The following HCRTR2 variants were observed in gnomAD, a reference collection of about 807,000 sequenced individuals.
HCRTR2 encodes orexin receptor type 2.
HCRTR2 carries 22 observed loss-of-function variants against 49.0 expected under a neutral mutation model. That is an observed-to-expected ratio of 0.45 (90% CI 0.32 to 0.64). The LOEUF (loss-of-function observed/expected upper bound fraction) is 0.64, where lower values mean the gene tolerates loss of function less well. Ranked by LOEUF, HCRTR2 falls within the 30% of genes least tolerant of loss-of-function variation. The probability of loss-of-function intolerance (pLI) is 0.04; values close to 1 mark genes in which losing one functional copy is unlikely to be tolerated. For synonymous variants in HCRTR2, 236 were observed against 205.3 expected (o/e 1.15, Z -1.28); for missense variants, 491 against 559.4 (o/e 0.88, Z 1.23).
chr6:55,278,727 A>AATTATTATTATT (rs201178077), intron 5 of HCRTR2, among the ~76,000 whole-genome samples: 83 of 144,684 alleles, frequency 5.7e-4, no homozygotes, highest in African/African-American at 1.8e-3. Flanking sequence ...GCTTCTTATT[A>AATTATTATTATT]ATTATTATTA....
At chr6:55,266,981 T>C (rs2127324699) in intron 4 of HCRTR2, among the ~76,000 whole-genome samples, 1 of 152,290 alleles carries the variant, frequency 6.6e-6, no homozygotes, top group Non-Finnish European at 1.5e-5. Context: ...TTCAGAAGAT[T>C]TGCAGTAAAA....
chr6:55,230,209 A>C (rs185705050), intron 1 of HCRTR2, among the ~76,000 whole-genome samples: 1 of 152,204 alleles, frequency 6.6e-6, no homozygotes, highest in Non-Finnish European at 1.5e-5. Context: ...AAAAATCTCC[A>C]TTCTGTTTTA....
intron 1 of HCRTR2, among the ~76,000 whole-genome samples, chr6:55,177,752 T>A (rs1765065737): frequency 6.6e-6 from 1 of 152,188 alleles, no homozygotes; most frequent in Non-Finnish European, 1.5e-5. Context: ...TTGATTGTCC[T>A]CATCTCTTTT....
intron 1 of HCRTR2, among the ~76,000 whole-genome samples, chr6:55,111,598 G>T (rs958598562): frequency 6.6e-6 from 1 of 151,906 alleles, no homozygotes; most frequent in Non-Finnish European, 1.5e-5. Context: ...GATTAAACCA[G>T]GAAGAAATCA....
chr6:55,158,124 A>G (rs895203043), intron 1 of HCRTR2, among the ~76,000 whole-genome samples: 5 of 152,012 alleles, frequency 3.3e-5, no homozygotes, highest in Admixed American at 6.6e-5. Flanking sequence ...TCTCATTGGG[A>G]CTGGTTAGAT....
chr6:55,192,735 G>T (rs771866204), intron 1 of HCRTR2, among the ~76,000 whole-genome samples: 1 of 152,080 alleles, frequency 6.6e-6, no homozygotes, highest in Non-Finnish European at 1.5e-5. Flanking sequence ...TTCCTCTTTT[G>T]CATGAAGTCT....
At chr6:55,161,392 A>G (rs1764803344) in intron 1 of HCRTR2, among the ~76,000 whole-genome samples, 1 of 152,204 alleles carries the variant, frequency 6.6e-6, no homozygotes, top group Admixed American at 6.5e-5. Context: ...GAAAGATCTA[A>G]AATCAACACC....
chr6:55,120,035 C>T (rs1377656566), intron 1 of HCRTR2, among the ~76,000 whole-genome samples: 1 of 152,202 alleles, frequency 6.6e-6, no homozygotes, highest in Non-Finnish European at 1.5e-5. Flanking sequence ...GAAATATTCT[C>T]CCCATTGCTT....
intron 1 of HCRTR2, among the ~76,000 whole-genome samples, chr6:55,164,007 A>G (rs1473261881): frequency 1.3e-5 from 2 of 152,226 alleles, no homozygotes; most frequent in African/African-American, 4.8e-5. Flanking sequence ...TATGTGGCCA[A>G]GAAACATACA....
intron 1 of HCRTR2, among the ~76,000 whole-genome samples, chr6:55,126,828 A>T (rs1764285376): frequency 6.6e-6 from 1 of 152,194 alleles, no homozygotes; most frequent in Non-Finnish European, 1.5e-5. Flanking sequence ...AGTGGGCTCC[A>T]GCCAGTTTGG....
chr6:55,136,608 G>A (rs1764438451), intron 1 of HCRTR2, among the ~76,000 whole-genome samples: 1 of 152,010 alleles, frequency 6.6e-6, no homozygotes. Context: ...TATCATCTTG[G>A]TTTTAGGAAG....
Position 55,214,665 on chromosome 6 carries a change from C to A in HCRTR2, c.224-33974C>A, listed in dbSNP as rs74821098. Among the ~76,000 whole-genome samples, 357 of 151,504 alleles carry A rather than the reference C, an allele frequency of 2.4e-3. 1 individual carries two copies. The highest frequency in any genetic ancestry group is 4.0e-3 in the Non-Finnish European group (272 of 67,888). ...CTGTTTTGTTTTGTTTTAAAAAACT[C>A]AGAAAAATTTCAAAATAGCAATTAT... On this transcript the variant is annotated intron_variant, in intron 1 of 6. Coordinates refer to ENST00000370862, the MANE Select transcript of HCRTR2 (RefSeq NM_001384272.1).
intron 1 of HCRTR2, among the ~76,000 whole-genome samples, chr6:55,136,412 C>T (rs938663729): frequency 2.6e-5 from 4 of 152,062 alleles, no homozygotes; most frequent in Non-Finnish European, 5.9e-5. Context: ...TTTTTATTTA[C>T]TTTGTCTGTG....
chr6:55,241,919 A>G (rs890074741), intron 1 of HCRTR2, among the ~76,000 whole-genome samples: 1 of 126,962 alleles, frequency 7.9e-6, no homozygotes, highest in Non-Finnish European at 1.6e-5. Flanking sequence ...CCCAGGCTGG[A>G]GTGCAGTGGT....
chr6:55,149,046 C>T (rs932185542), intron 1 of HCRTR2, among the ~76,000 whole-genome samples: 4 of 151,918 alleles, frequency 2.6e-5, no homozygotes, highest in African/African-American at 9.7e-5. Context: ...TACTTATAAC[C>T]TTAAGGCAAT....
chr6:55,111,875 A>T (rs975715156), intron 1 of HCRTR2, among the ~76,000 whole-genome samples: 1 of 152,128 alleles, frequency 6.6e-6, no homozygotes, highest in South Asian at 2.1e-4. Flanking sequence ...CCTGATGAAC[A>T]TAGATGCAAA....
chr6:55,252,262 T>A (rs1361688532), intron 2 of HCRTR2, among the ~76,000 whole-genome samples: 2 of 152,114 alleles, frequency 1.3e-5, no homozygotes, highest in Non-Finnish European at 2.9e-5. Context: ...TGGGTCACTA[T>A]TGGCACTGGA....
At chr6:55,233,229 C>T (rs964878034) in intron 1 of HCRTR2, among the ~76,000 whole-genome samples, 1 of 151,960 alleles carries the variant, frequency 6.6e-6, no homozygotes, top group Non-Finnish European at 1.5e-5. Context: ...GCTGGGATTA[C>T]AGGCGCCCAC....
intron 1 of HCRTR2, among the ~76,000 whole-genome samples, chr6:55,229,294 G>C (rs1464765566): frequency 6.6e-6 from 1 of 152,118 alleles, no homozygotes; most frequent in Admixed American, 6.5e-5. Context: ...CTCCTGAAGA[G>C]CTGGAACTAT....
Sources: gnomAD v4.1 joint callset for allele counts (sites outside exome capture counted in the v4.1 genomes callset) on GRCh38, gnomAD v4.1.1 for gene constraint, MANE v1.5 for transcripts, NCBI Gene and HGNC (gene_info 2026-07-23, HGNC 2026-07-21) for gene names.